The following DNAJC5B variants were observed in gnomAD, a reference collection of about 807,000 sequenced individuals.
The protein encoded by DNAJC5B is dnaJ homolog subfamily C member 5B.
A neutral mutation model predicts 24.7 loss-of-function variants in DNAJC5B; 23 were observed. The ratio of observed to expected loss-of-function variants is 0.93; its 90% CI spans 0.67 to 1.32. The LOEUF (loss-of-function observed/expected upper bound fraction) is 1.32. Among genes scored for constraint, DNAJC5B ranks in the 40% most tolerant of loss-of-function variants. The pLI, the probability that DNAJC5B is intolerant of heterozygous loss-of-function variation, is 0.00. For missense variants in DNAJC5B, 238 were observed against 240.8 expected, an observed-to-expected ratio of 0.99 and a Z score of 0.08; for synonymous variants, 101 against 90.1, an observed-to-expected ratio of 1.12 and a Z score of -0.68.
At chr8:66,076,572 A>C (rs915881282) in intron 3 of DNAJC5B, 88 bp from the exon 4 acceptor site, 1 of 1,363,450 alleles carries the variant, frequency 7.3e-7, no homozygotes, top group East Asian at 2.3e-5. Flanking sequence ...CTAATAAAGA[A>C]TATACAAATG....
chr8:66,044,672 CAATGGTTTTTGT>C (rs1343171092), intron 2 of DNAJC5B, among the ~76,000 whole-genome samples: 8 of 152,180 alleles, frequency 5.3e-5, no homozygotes, highest in African/African-American at 1.9e-4. Context: ...CTATAGAGGT[CAATGGTTTTTGT>C]AATATTAATG....
At chr8:66,082,145 A>G (rs1807609915) in intron 5 of DNAJC5B, among the ~76,000 whole-genome samples, 1 of 152,100 alleles carries the variant, frequency 6.6e-6, no homozygotes, top group African/African-American at 2.4e-5. Context: ...CCCATAGACC[A>G]TAGGATCTCC....
chr8:66,021,344 G>A (rs1806116517), upstream of DNAJC5B, among the ~76,000 whole-genome samples: 1 of 152,174 alleles, frequency 6.6e-6, no homozygotes, highest in African/African-American at 2.4e-5. Flanking sequence ...CCTGCAAAGG[G>A]ATTCTTCCCT....
At chr8:66,071,283 T>C (rs921836526) in intron 3 of DNAJC5B, among the ~76,000 whole-genome samples, 1 of 151,652 alleles carries the variant, frequency 6.6e-6, no homozygotes, top group East Asian at 1.9e-4. Context: ...TGGGAGAAAA[T>C]TTTTTGCAAT....
rs1183006729 is a variant in DNAJC5B at position 66,099,993 on chromosome 8, A to G, written c.562A>G (p.Ile188Val). The change falls in exon 6 of 6, where the codon ATC (isoleucine) becomes GTC (valine). Residue 188 changes from isoleucine to valine, a missense_variant. Ile to Val is a conservative substitution (Grantham distance 29, BLOSUM62 3). Transcript: ENST00000276570. ...AAATGCAAATGAGAAAACACAGCTA[A>G]TCAAAGAAGGATCTCGAAGTTATTG... The part of the protein sequence containing the change: ...PTNANEKTQL[I>V]KEGSRSYCTD... The G allele has an allele frequency of 6.2e-7, 1 of 1,614,048 alleles. No homozygotes were observed. Among genetic ancestry groups the G allele is most frequent in the African/African-American group, 1.3e-5 (1 of 75,052 alleles).
intron 3 of DNAJC5B, among the ~76,000 whole-genome samples, chr8:66,064,160 T>G (rs904960119): frequency 3.9e-5 from 6 of 152,158 alleles, no homozygotes; most frequent in African/African-American, 1.2e-4. Flanking sequence ...TAGGTCCTAT[T>G]AGGTTTAAAA....
chr8:66,099,577 T>C (rs1808028543), intron 5 of DNAJC5B, among the ~76,000 whole-genome samples: 2 of 152,240 alleles, frequency 1.3e-5, no homozygotes, highest in Admixed American at 1.3e-4. Context: ...GTAGTCTATA[T>C]GAAAGGTGCC....
chr8:66,029,347 G>C (rs745817092), intron 1 of DNAJC5B, among the ~76,000 whole-genome samples: 5 of 152,188 alleles, frequency 3.3e-5, no homozygotes, highest in Non-Finnish European at 7.3e-5. Context: ...GTGTATAGTA[G>C]TTAGTAGAAA....
chr8:66,022,546 C>T lies in DNAJC5B; in HGVS notation c.-142+841C>T, dbSNP rs1037993367. 4.6e-5 allele frequency among the ~76,000 whole-genome samples: 7 copies of T among 152,182 alleles called. No homozygotes were observed. The South Asian group carries it at 1.4e-3, about 31-fold the overall frequency. On this transcript the variant is annotated intron_variant, in intron 1 of 5. Transcript: ENST00000276570. ...CTCAGTGGGAGTAAGAGTCCATGTTCTGACAGGTAGGTCAGTTACCCACAG... is the reference window on the plus strand; with the variant it reads ...CTCAGTGGGAGTAAGAGTCCATGTTTTGACAGGTAGGTCAGTTACCCACAG...
rs115677553 is a variant in DNAJC5B at position 66,065,514 on chromosome 8, C to T, written c.120-11146C>T. ...TTCTGTCCCTTATGAAGGACAGAGA[C>T]TAATCCTGGCCCAGTGGCTCCTGAG... On this transcript the variant is annotated intron_variant, in intron 3 of 5. Transcript: ENST00000276570. 5.5e-3 allele frequency among the ~76,000 whole-genome samples: 836 copies of T among 152,340 alleles called. 14 individuals carry two copies. Among genetic ancestry groups the T allele is most frequent in the African/African-American group, 0.019 (800 of 41,568 alleles).
At chr8:66,031,440 C>T (rs1237028155) in intron 1 of DNAJC5B, among the ~76,000 whole-genome samples, 1 of 152,162 alleles carries the variant, frequency 6.6e-6, no homozygotes, top group Non-Finnish European at 1.5e-5. Flanking sequence ...AATTAGCAAT[C>T]ATTAAAAGCA....
intron 5 of DNAJC5B, among the ~76,000 whole-genome samples, chr8:66,082,390 T>G (rs548599981): frequency 1.3e-5 from 2 of 152,238 alleles, no homozygotes; most frequent in African/African-American, 4.8e-5. Context: ...CAGTCTTTCC[T>G]GTTTTAAATT....
chr8:66,067,138 C>A (rs1807236170), intron 3 of DNAJC5B, among the ~76,000 whole-genome samples: 2 of 152,084 alleles, frequency 1.3e-5, no homozygotes, highest in East Asian at 3.9e-4. Context: ...CCAATTGTTC[C>A]TCCTGCTGAC....
At chr8:66,044,398 C>G (rs985053982) in intron 2 of DNAJC5B, among the ~76,000 whole-genome samples, 1 of 152,078 alleles carries the variant, frequency 6.6e-6, no homozygotes, top group Non-Finnish European at 1.5e-5. Context: ...GTGAAGGGAC[C>G]CTGCCAAGAA....
intron 5 of DNAJC5B, among the ~76,000 whole-genome samples, chr8:66,092,010 G>A (rs528126599): frequency 4.7e-4 from 72 of 152,218 alleles, no homozygotes; most frequent in African/African-American, 1.6e-3. Flanking sequence ...CAGGGCCTGT[G>A]GGGCAGGAAG....
intron 1 of DNAJC5B, among the ~76,000 whole-genome samples, chr8:66,022,093 A>C (rs1806140136): frequency 6.6e-6 from 1 of 152,234 alleles, no homozygotes; most frequent in Non-Finnish European, 1.5e-5. Flanking sequence ...TTGAAAGTTC[A>C]AATCTTGAAA....
At chr8:66,063,427 T>C (rs1807125502) in intron 3 of DNAJC5B, among the ~76,000 whole-genome samples, 1 of 152,230 alleles carries the variant, frequency 6.6e-6, no homozygotes, top group African/African-American at 2.4e-5. Flanking sequence ...TGTAAATATT[T>C]ACAAGGCAGA....
intron 3 of DNAJC5B, among the ~76,000 whole-genome samples, chr8:66,062,138 G>A (rs1410055530): frequency 6.6e-6 from 1 of 152,248 alleles, no homozygotes; most frequent in Non-Finnish European, 1.5e-5. Flanking sequence ...TTCAGCCCTA[G>A]CACCATGCTA....
chr8:66,023,835 G>A (rs549904072), intron 1 of DNAJC5B, among the ~76,000 whole-genome samples: 1 of 152,260 alleles, frequency 6.6e-6, no homozygotes, highest in South Asian at 2.1e-4. Flanking sequence ...CTTGTCCAGG[G>A]TTTGACATAC....
Sources: allele counts gnomAD v4.1 joint callset (sites outside exome capture counted in the v4.1 genomes callset), GRCh38; gene constraint gnomAD v4.1.1; transcripts MANE v1.5; gene names NCBI Gene and HGNC (gene_info 2026-07-23, HGNC 2026-07-21).